The following NRG3 variants were observed in gnomAD, a reference collection of about 807,000 sequenced individuals.
NRG3 encodes pro-neuregulin-3, membrane-bound isoform.
Under a neutral mutation model 66.9 loss-of-function variants are expected in NRG3, and 31 were observed. The observed-to-expected ratio is 0.46, with a 90% CI of 0.35 to 0.63. NRG3 has a LOEUF of 0.63. NRG3 is among the 20% of genes least tolerant of loss of function. NRG3 has a pLI of 0.00. For missense variants in NRG3, 910 were observed against 878.9 expected, an observed-to-expected ratio of 1.04 and a Z score of -0.45; for synonymous variants, 393 against 359.4, an observed-to-expected ratio of 1.09 and a Z score of -1.06.
intron 1 of NRG3, among the ~76,000 whole-genome samples, chr10:82,284,640 T>G (rs1004507749): frequency 1.4e-4 from 22 of 152,256 alleles, no homozygotes; most frequent in Admixed American, 6.5e-4. Context: ...TTTGTATTTC[T>G]CTTCTCTCAT....
intron 1 of NRG3, among the ~76,000 whole-genome samples, chr10:82,177,659 T>C (rs879884583): frequency 1.3e-5 from 2 of 152,178 alleles, no homozygotes; most frequent in Non-Finnish European, 2.9e-5. Flanking sequence ...CTGCCACTTC[T>C]ACCTCTTGGG....
At chr10:82,603,636 A>T (rs1266057063) in intron 2 of NRG3, among the ~76,000 whole-genome samples, 6 of 152,186 alleles carry the variant, frequency 3.9e-5, no homozygotes, top group Non-Finnish European at 8.8e-5. Flanking sequence ...AGCTTAAGAG[A>T]AAGAAAAAGT....
chr10:82,097,339 C>A (rs1350018222), intron 1 of NRG3, among the ~76,000 whole-genome samples: 1 of 147,254 alleles, frequency 6.8e-6, no homozygotes, highest in African/African-American at 2.5e-5. Context: ...TATTGAAAGA[C>A]GTTTATGTTA....
chr10:82,256,842 A>G (rs2077753646), intron 1 of NRG3, among the ~76,000 whole-genome samples: 1 of 152,222 alleles, frequency 6.6e-6, no homozygotes, highest in Non-Finnish European at 1.5e-5. Context: ...GAGTTCTTAC[A>G]GAGAAAGAGA....
chr10:82,746,817 G>A (rs1197365135), intron 3 of NRG3, among the ~76,000 whole-genome samples: 3 of 152,052 alleles, frequency 2.0e-5, no homozygotes, highest in African/African-American at 4.8e-5. Context: ...GGATGCTCAC[G>A]CTTGTAATCT....
At chr10:81,967,228 G>A (rs72835854) in intron 1 of NRG3, among the ~76,000 whole-genome samples, 361 of 151,696 alleles carry the variant, frequency 2.4e-3, no homozygotes, top group Non-Finnish European at 3.9e-3. Context: ...TGTTGTTTTT[G>A]TATAAGTAGT....
intron 1 of NRG3, among the ~76,000 whole-genome samples, chr10:82,354,379 G>A (rs7921979): frequency 0.23 from 34,773 of 149,002 alleles, 5,044 homozygotes; most frequent in African/African-American, 0.41. Context: ...GAAAAATGCT[G>A]TATAAAAAAG....
chr10:82,119,578 T>G (rs1266319394), intron 1 of NRG3, among the ~76,000 whole-genome samples: 2 of 152,112 alleles, frequency 1.3e-5, no homozygotes, highest in African/African-American at 4.8e-5. Context: ...ACCCTGGGGA[T>G]CTTGTGTTCT....
At position 82,644,485 on chromosome 10, in the gene NRG3, A is replaced by T. The variant is rs2050799553; in HGVS notation, c.954-94092A>T. On this transcript the variant is annotated intron_variant, in intron 2 of 8. Transcript: ENST00000372141. The stretch of plus-strand genomic sequence containing the variant: ...TTGAGCTGTTAGAGATAAGTTCCAA[A>T]AATAACTAAAATCATAACTCTCAAA... Among the ~76,000 whole-genome samples, 3 of 152,268 alleles carry T rather than the reference A, an allele frequency of 2.0e-5. No homozygotes were observed. In the South Asian group the frequency reaches 6.2e-4, roughly 32 times the overall value.
chr10:82,976,061 T>C (rs920056585), intron 7 of NRG3, among the ~76,000 whole-genome samples: 3 of 152,158 alleles, frequency 2.0e-5, no homozygotes, highest in African/African-American at 7.2e-5. Flanking sequence ...TTTTTTATTA[T>C]TTTATTTTTT....
At position 82,706,096 on chromosome 10, in the gene NRG3, C is replaced by G. The variant is rs142991687; in HGVS notation, c.954-32481C>G. ...CCCTGATCAACCACCCACTCCCTTT[C>G]TTTTCTTTTTTTTATCAATCTACAG... On this transcript the variant is annotated intron_variant, in intron 2 of 8. Coordinates refer to ENST00000372141, the MANE Select transcript of NRG3 (RefSeq NM_001010848.4). Among the ~76,000 whole-genome samples the G allele has an allele frequency of 2.9e-3, 434 of 152,134 alleles. 2 individuals are homozygous for G. Among genetic ancestry groups the G allele is most frequent in the South Asian group, 8.3e-3 (40 of 4,822 alleles).
At chr10:82,694,600 A>T (rs73299606) in intron 2 of NRG3, among the ~76,000 whole-genome samples, 10,567 of 151,900 alleles carry the variant, frequency 0.07, 1,136 homozygotes, top group African/African-American at 0.23. Context: ...CTAAAAATTT[A>T]AAAAATTATC....
intron 1 of NRG3, among the ~76,000 whole-genome samples, chr10:82,356,364 A>C (rs769382459): frequency 3.3e-5 from 5 of 152,254 alleles, no homozygotes; most frequent in Non-Finnish European, 7.3e-5. Flanking sequence ...ATAAGAAATT[A>C]AAGGAAAAGT....
At chr10:82,488,912 T>A (rs1211403427) in intron 2 of NRG3, among the ~76,000 whole-genome samples, 2 of 152,236 alleles carry the variant, frequency 1.3e-5, no homozygotes, top group Non-Finnish European at 2.9e-5. Context: ...TGCCTTGAAT[T>A]GTGAATTTTT....
chr10:82,377,493 C>T (rs1166731618), intron 2 of NRG3, among the ~76,000 whole-genome samples: 1 of 151,788 alleles, frequency 6.6e-6, no homozygotes, highest in Non-Finnish European at 1.5e-5. Context: ...TCAGCCTGCC[C>T]GACAAGGGAT....
At chr10:81,973,367 A>G (rs763806259) in intron 1 of NRG3, among the ~76,000 whole-genome samples, 3 of 152,216 alleles carry the variant, frequency 2.0e-5, no homozygotes, top group African/African-American at 4.8e-5. Flanking sequence ...TGAAATGAAC[A>G]TATGCATACA....
chr10:82,881,700 A>G (rs1242911466), intron 4 of NRG3, among the ~76,000 whole-genome samples: 11 of 152,160 alleles, frequency 7.2e-5, no homozygotes, highest in Non-Finnish European at 5.9e-5. Flanking sequence ...GCCTAGCTAT[A>G]TATCTATGTA....
At chr10:82,736,734 G>A (rs1226513564) in intron 2 of NRG3, among the ~76,000 whole-genome samples, 34 of 152,146 alleles carry the variant, frequency 2.2e-4, no homozygotes, top group Admixed American at 2.2e-3. Context: ...TGCATTTTAA[G>A]TAACAAAGAA....
At chr10:82,712,657 A>G (rs1057476277) in intron 2 of NRG3, among the ~76,000 whole-genome samples, 7 of 152,168 alleles carry the variant, frequency 4.6e-5, no homozygotes, top group African/African-American at 1.7e-4. Context: ...TGGCAAAGTT[A>G]AAGATGCTGG....
Sources: gnomAD v4.1 joint callset for allele counts (sites outside exome capture counted in the v4.1 genomes callset) on GRCh38, gnomAD v4.1.1 for gene constraint, MANE v1.5 for transcripts, NCBI Gene and HGNC (gene_info 2026-07-23, HGNC 2026-07-21) for gene names.